QTGAL: variants seen among roughly 807,000 people sequenced by gnomAD.
The protein encoded by QTGAL is BGnT-like protein 1.
the QTGAL span, among the ~76,000 whole-genome samples, chr17:82,982,127 TC>T: frequency 3.8e-5 from 5 of 131,136 alleles, no homozygotes; most frequent in South Asian, 1.2e-3. Flanking sequence ...GGAGCCTCCA[TC>T]CTTCTCACCT....
chr17:83,039,629 C>T, the QTGAL span, among the ~76,000 whole-genome samples: 12 of 151,586 alleles, frequency 7.9e-5, no homozygotes, highest in African/African-American at 2.9e-4. Flanking sequence ...TGCTGGGCGC[C>T]CGCTGCCCGC....
At chr17:82,976,944 G>GTC in the QTGAL span, among the ~76,000 whole-genome samples, 1 of 46,510 alleles carries the variant, frequency 2.2e-5, no homozygotes. Flanking sequence ...TATGGGGAAC[G>GTC]AGGGCCCCGG....
the QTGAL span, among the ~76,000 whole-genome samples, chr17:83,040,686 C>T: frequency 3.9e-5 from 6 of 152,062 alleles, no homozygotes; most frequent in African/African-American, 1.4e-4. Flanking sequence ...TTATTTTGCA[C>T]CTAGAATTCT....
chr17:82,961,318 A>C, the QTGAL span: 1 of 1,112,762 alleles, frequency 9.0e-7, no homozygotes, highest in Non-Finnish European at 1.2e-6. Context: ...ACCGGTCTAG[A>C]GGCTCAACAG....
At chr17:83,051,268 TGCGCGGGGGCG>T in the QTGAL span, among the ~76,000 whole-genome samples, 80 of 85,130 alleles carry the variant, frequency 9.4e-4, no homozygotes, top group South Asian at 3.1e-3. Flanking sequence ...CGGGGGCAGG[TGCGCGGGGGCG>T]GGGCAGGTGC....
chr17:83,001,530 G>C, the QTGAL span, among the ~76,000 whole-genome samples: 1 of 150,068 alleles, frequency 6.7e-6, no homozygotes, highest in South Asian at 2.2e-4. Context: ...AGTCAACACA[G>C]GGTGTAGGAC....
the QTGAL span, among the ~76,000 whole-genome samples, chr17:82,962,843 C>T: frequency 2.0e-5 from 3 of 152,184 alleles, no homozygotes; most frequent in African/African-American, 4.8e-5. Flanking sequence ...ATTTAGTCAA[C>T]AGCCGCTCCC....
chr17:82,968,048 G>C, the QTGAL span, among the ~76,000 whole-genome samples: 1 of 152,222 alleles, frequency 6.6e-6, no homozygotes, highest in African/African-American at 2.4e-5. Flanking sequence ...AGAGCAGGCA[G>C]GCTCTTAGAG....
At chr17:83,022,023 A>ACAC in the QTGAL span, among the ~76,000 whole-genome samples, 1 of 152,218 alleles carries the variant, frequency 6.6e-6, no homozygotes, top group Non-Finnish European at 1.5e-5. Flanking sequence ...GCCCCCATAT[A>ACAC]CACCATCTTC....
chr17:82,979,424 C>A, the QTGAL span: 3 of 152,156 alleles, frequency 2.0e-5, no homozygotes, highest in African/African-American at 4.8e-5. Flanking sequence ...TATACCAAGA[C>A]GAAATAGAGT....
At chr17:83,040,302 C>T in the QTGAL span, among the ~76,000 whole-genome samples, 3 of 152,110 alleles carry the variant, frequency 2.0e-5, no homozygotes, top group Non-Finnish European at 2.9e-5. Flanking sequence ...TGTAGGAACC[C>T]GTCCACCAAC....
At chr17:83,048,751 C>A in the QTGAL span, 6 of 1,614,024 alleles carry the variant, frequency 3.7e-6, no homozygotes, top group Admixed American at 1.0e-4. Context: ...TTCGTCCAGC[C>A]ACGGTTCAGC....
chr17:82,953,392 G>A, the QTGAL span, among the ~76,000 whole-genome samples: 3 of 152,128 alleles, frequency 2.0e-5, no homozygotes, highest in Non-Finnish European at 2.9e-5. Context: ...ACACCTCTAT[G>A]CAAATAAACT....
chr17:82,980,591 G>A, the QTGAL span, among the ~76,000 whole-genome samples: 1 of 152,172 alleles, frequency 6.6e-6, no homozygotes, highest in Non-Finnish European at 1.5e-5. Flanking sequence ...AGAATTCAGG[G>A]AAACACTTAC....
chr17:82,966,425 G>A, the QTGAL span, among the ~76,000 whole-genome samples: 6 of 152,184 alleles, frequency 3.9e-5, no homozygotes, highest in Non-Finnish European at 8.8e-5. Flanking sequence ...TGAAAACCAT[G>A]AACAAAGTTG....
At chr17:82,975,477 C>G in the QTGAL span, among the ~76,000 whole-genome samples, 1 of 32,898 alleles carries the variant, frequency 3.0e-5, no homozygotes, top group Admixed American at 2.2e-4. Context: ...AACGAGGGCC[C>G]CGGGACAGAG....
the QTGAL span, among the ~76,000 whole-genome samples, chr17:82,974,792 C>T: frequency 6.6e-6 from 1 of 152,244 alleles, no homozygotes; most frequent in Non-Finnish European, 1.5e-5. Flanking sequence ...GCAGGAGGCA[C>T]AGGCAGGCTG....
the QTGAL span, among the ~76,000 whole-genome samples, chr17:83,009,750 C>T: frequency 4.8e-4 from 73 of 152,114 alleles, no homozygotes; most frequent in African/African-American, 1.5e-3. Context: ...CGGGCTGAGG[C>T]GGGAGGCAAA....
the QTGAL span, among the ~76,000 whole-genome samples, chr17:82,995,799 G>A: frequency 6.6e-6 from 1 of 152,142 alleles, no homozygotes; most frequent in Non-Finnish European, 1.5e-5. Context: ...TAAAATAAAA[G>A]AGTGAAAGAT....
Sources: allele counts gnomAD v4.1 joint callset (sites outside exome capture counted in the v4.1 genomes callset), GRCh38; gene constraint gnomAD v4.1.1; transcripts MANE v1.5; gene names NCBI Gene and HGNC (gene_info 2026-07-23, HGNC 2026-07-21).